ATRX: variants seen among roughly 807,000 people sequenced by gnomAD.
ATRX encodes ATRX chromatin remodeler.
ATRX carries 12 observed loss-of-function variants against 172.6 expected under a neutral mutation model. The observed-to-expected ratio is 0.07, with a 90% confidence interval of 0.04 to 0.11. The LOEUF is 0.11. Ranked by LOEUF, ATRX falls within the 10% of genes least tolerant of loss-of-function variation. The pLI is 1.00. For missense variants in ATRX, 1,368 were observed against 1,767.4 expected (o/e 0.77, Z 4.05); for synonymous variants, 674 against 594.7 (o/e 1.13, Z -1.94).
chrX:77,780,568 T>G (rs1230228968), intron 1 of ATRX, among the ~76,000 whole-genome samples: 3 of 108,881 alleles, frequency 2.8e-5, no homozygotes, highest in Non-Finnish European at 3.8e-5. Context: ...GACCTCATGA[T>G]CCACCTGCCT....
chrX:77,716,680 T>C (rs1557165383), intron 2 of ATRX, among the ~76,000 whole-genome samples: 2 of 110,656 alleles, frequency 1.8e-5, no homozygotes, highest in East Asian at 2.8e-4. Context: ...GAGGCGGAAG[T>C]TGCAGTGAGC....
At chrX:77,604,863 C>T (rs1557089457) in intron 22 of ATRX, among the ~76,000 whole-genome samples, 3 of 111,882 alleles carry the variant, frequency 2.7e-5, no homozygotes, top group African/African-American at 9.8e-5. Flanking sequence ...ATGGATGGAA[C>T]TGGAGGCCAT....
intron 1 of ATRX, among the ~76,000 whole-genome samples, chrX:77,723,202 G>A (rs947990284): frequency 9.0e-6 from 1 of 110,990 alleles, no homozygotes; most frequent in South Asian, 3.9e-4. Context: ...GTTGGGGGAG[G>A]GATAGCATTA....
intron 15 of ATRX, among the ~76,000 whole-genome samples, chrX:77,637,400 C>G (rs2070047282): frequency 9.0e-6 from 1 of 110,698 alleles, no homozygotes; most frequent in Non-Finnish European, 1.9e-5. Context: ...TATTCAGTAA[C>G]TACGCAAGAT....
At chrX:77,659,817 CACT>C (rs781854927) in intron 12 of ATRX, among the ~76,000 whole-genome samples, 1 of 111,686 alleles carries the variant, frequency 9.0e-6, no homozygotes, top group South Asian at 3.7e-4. Flanking sequence ...GCAGACTATT[CACT>C]ACTGATTTTT....
chrX:77,612,694 T>C (rs1367137242), intron 22 of ATRX, among the ~76,000 whole-genome samples: 6 of 111,877 alleles, frequency 5.4e-5, no homozygotes, highest in Non-Finnish European at 1.1e-4. Context: ...ACTCTCTATT[T>C]CTAGAACTTT....
chrX:77,772,465 C>T (rs1304665819), intron 1 of ATRX, among the ~76,000 whole-genome samples: 6 of 96,193 alleles, frequency 6.2e-5, no homozygotes, highest in African/African-American at 2.3e-4. Flanking sequence ...GATCCCTTCT[C>T]TCAAAAAAAA....
chrX:77,742,010 T>C (rs1268985963), intron 1 of ATRX, among the ~76,000 whole-genome samples: 1 of 111,533 alleles, frequency 9.0e-6, no homozygotes, highest in Non-Finnish European at 1.9e-5. Context: ...CATGTACATA[T>C]AGAGGGTTTT....
chrX:77,764,881 C>G (rs1429596966), intron 1 of ATRX, among the ~76,000 whole-genome samples: 2 of 112,131 alleles, frequency 1.8e-5, no homozygotes, highest in African/African-American at 6.5e-5. Context: ...ATAAACTTTT[C>G]CAATCAAAAA....
intron 15 of ATRX, among the ~76,000 whole-genome samples, chrX:77,644,130 T>C (rs782165055): frequency 2.9e-4 from 33 of 111,979 alleles, no homozygotes; most frequent in Admixed American, 5.6e-4. Flanking sequence ...TTAGTAGAAA[T>C]AGGATTTCAC....
chrX:77,536,274 A>G (rs1410818892), intron 30 of ATRX, among the ~76,000 whole-genome samples: 1 of 111,761 alleles, frequency 8.9e-6, no homozygotes, highest in Non-Finnish European at 1.9e-5. Context: ...AATAATAAAG[A>G]AGGAAATAAA....
At position 77,523,239 on chromosome X, in the gene ATRX, T is replaced by G; in HGVS notation, c.6849+13A>C. The G allele has an allele frequency of 8.3e-7, 1 of 1,210,283 alleles. No individual in the cohort carries two copies. Among genetic ancestry groups the G allele is most frequent in the African/African-American group, 1.7e-5 (1 of 57,773 alleles). On this transcript the variant is annotated intron_variant, in intron 31 of 34. Transcript: ENST00000373344. ...AACATAACAAAAACAAAAACACATTTTGCATCAACTACCTTCTTCTCTGCT... is the reference window on the plus strand; with the variant it reads ...AACATAACAAAAACAAAAACACATTGTGCATCAACTACCTTCTTCTCTGCT...
intron 30 of ATRX, among the ~76,000 whole-genome samples, chrX:77,545,182 T>TG (rs1557052774): frequency 1.8e-5 from 2 of 112,476 alleles, no homozygotes; most frequent in African/African-American, 6.4e-5. Flanking sequence ...TTCTAAGAAC[T>TG]TCATTTAATT....
Position 77,683,259 on chromosome X carries a change from C to T in ATRX, c.1997G>A (p.Arg666Gln), listed in dbSNP as rs781821147. The T allele has an allele frequency of 4.1e-6, 5 of 1,210,639 alleles. No individual in the cohort carries two copies. Among genetic ancestry groups the T allele is most frequent in the South Asian group, 3.5e-5 (2 of 56,953 alleles). The change falls in exon 9 of 35, where the codon CGA becomes CAA. Residue 666 changes from arginine (R) to glutamine (Q), a missense_variant. Coordinates refer to ENST00000373344, the MANE Select transcript of ATRX (RefSeq NM_000489.6). ...SPRVKTTPLR[R>Q]PTETNPVTSN... is the part of the protein sequence containing the mutation. ...TGTTACAGGGTTAGTTTCTGTCGGT[C>T]GCCTCAAGGGTGTAGTCTTTACACG...
chrX:77,631,361 T>C (rs1186952789), intron 19 of ATRX, among the ~76,000 whole-genome samples: 1 of 110,978 alleles, frequency 9.0e-6, no homozygotes, highest in Non-Finnish European at 1.9e-5. Flanking sequence ...TTACCCACTA[T>C]AGGAGATACA....
intron 1 of ATRX, among the ~76,000 whole-genome samples, chrX:77,759,665 G>C (rs1450252063): frequency 3.6e-5 from 4 of 111,045 alleles, no homozygotes; most frequent in African/African-American, 1.3e-4. Context: ...AGTGAGCAAA[G>C]ATAGCACCAC....
chrX:77,697,750 T>G (rs1488875452), intron 3 of ATRX, 115 bp from the exon 4 acceptor site: 1 of 559,773 alleles, frequency 1.8e-6, no homozygotes, highest in Non-Finnish European at 2.8e-6. Flanking sequence ...GCTATTTATG[T>G]GCCTAGAATA....
intron 14 of ATRX, 52 bp downstream of exon 14, chrX:77,654,046 A>T (rs2148449371): frequency 1.0e-6 from 1 of 997,806 alleles, no homozygotes. Flanking sequence ...CATAATTACC[A>T]TAGTCTACTG....
chrX:77,626,557 G>A (rs1485934614), intron 19 of ATRX, among the ~76,000 whole-genome samples: 1 of 111,865 alleles, frequency 8.9e-6, no homozygotes, highest in African/African-American at 3.3e-5. Flanking sequence ...GATCCCATTT[G>A]TATATTTTTG....
Sources: allele counts gnomAD v4.1 joint callset (sites outside exome capture counted in the v4.1 genomes callset), GRCh38; gene constraint gnomAD v4.1.1; transcripts MANE v1.5; gene names NCBI Gene and HGNC (gene_info 2026-07-23, HGNC 2026-07-21).